MAPK14: variants seen among roughly 807,000 people sequenced by gnomAD.
MAPK14 encodes the protein mitogen-activated protein kinase 14.
In MAPK14, 16 loss-of-function variants were observed where a neutral mutation model predicts 49.6. The ratio of observed to expected loss-of-function variants is 0.32; its 90% CI spans 0.22 to 0.49. The LOEUF (loss-of-function observed/expected upper bound fraction) is 0.49. Among genes scored for constraint, MAPK14 ranks in the 20% least tolerant of loss-of-function variants. The pLI is 0.99. For missense variants in MAPK14, 200 were observed against 441.2 expected (o/e 0.45, Z 4.90); for synonymous variants, 142 against 158.0 (o/e 0.90, Z 0.76).
chr6:36,030,771 C>T (rs559854312), intron 1 of MAPK14, among the ~76,000 whole-genome samples: 50 of 151,558 alleles, frequency 3.3e-4, no homozygotes, highest in African/African-American at 1.2e-3. Flanking sequence ...AAGACAGGCA[C>T]TGTTAAGTGT....
chr6:36,098,504 T>C (rs1219449967), intron 9 of MAPK14, among the ~76,000 whole-genome samples: 1 of 152,080 alleles, frequency 6.6e-6, no homozygotes, highest in Non-Finnish European at 1.5e-5. Flanking sequence ...TGCACTGCAC[T>C]CCAGCCTGGG....
chr6:36,045,854 A>G (rs923124461), intron 1 of MAPK14, among the ~76,000 whole-genome samples: 2 of 150,862 alleles, frequency 1.3e-5, no homozygotes, highest in African/African-American at 4.9e-5. Flanking sequence ...ACCTCATGAT[A>G]TATGCTAACC....
intron 3 of MAPK14, among the ~76,000 whole-genome samples, chr6:36,064,791 A>G (rs1763978345): frequency 6.6e-6 from 1 of 152,226 alleles, no homozygotes; most frequent in Non-Finnish European, 1.5e-5. Flanking sequence ...TATAACAGTA[A>G]ATAAGAGCTG....
chr6:36,037,484 T>A (rs546334306), intron 1 of MAPK14, among the ~76,000 whole-genome samples: 1 of 152,228 alleles, frequency 6.6e-6, no homozygotes, highest in African/African-American at 2.4e-5. Flanking sequence ...TATATTTTAG[T>A]GCCATTTTCT....
At chr6:36,073,931 A>G in intron 5 of MAPK14, 118 bp from the exon 6 acceptor site, 1 of 909,852 alleles carries the variant, frequency 1.1e-6, no homozygotes, top group Non-Finnish European at 1.8e-6. Flanking sequence ...TAGGATGGAG[A>G]TTGTCTTTTG....
chr6:36,091,844 C>CT (rs1185804651), intron 8 of MAPK14: 3,859 of 124,812 alleles, frequency 0.031, 39 homozygotes, highest in Non-Finnish European at 0.041. Flanking sequence ...CTTTTCTTTT[C>CT]TTTTTTTTTT....
At chr6:36,068,028 T>TAGAA (rs377367391) in intron 3 of MAPK14, among the ~76,000 whole-genome samples, 1 of 151,462 alleles carries the variant, frequency 6.6e-6, no homozygotes, top group African/African-American at 2.4e-5. Context: ...AAAGAAAAGG[T>TAGAA]AGAAAGGTAG....
chr6:36,059,200 C>A (rs889955520), intron 2 of MAPK14, 89 bp from the exon 3 acceptor site: 18 of 835,162 alleles, frequency 2.2e-5, no homozygotes, highest in African/African-American at 3.5e-5. Context: ...TAGACCCTGA[C>A]TCTTTAAAAA....
intron 1 of MAPK14, among the ~76,000 whole-genome samples, chr6:36,045,426 G>A (rs1763134883): frequency 1.3e-5 from 2 of 152,108 alleles, no homozygotes; most frequent in Admixed American, 6.5e-5. Context: ...TGGCTTCTGT[G>A]ATTCATGTCC....
intron 6 of MAPK14, among the ~76,000 whole-genome samples, chr6:36,075,043 G>A (rs1028498309): frequency 5.9e-5 from 9 of 151,616 alleles, no homozygotes; most frequent in African/African-American, 9.7e-5. Context: ...TGGCCAACAC[G>A]GTGAAACCTC....
intron 8 of MAPK14, chr6:36,091,972 C>T (rs1175956062): frequency 3.2e-6 from 1 of 316,784 alleles, no homozygotes; most frequent in East Asian, 8.3e-5. Flanking sequence ...CAAAAATGGC[C>T]AGTGTCGTCT....
chr6:36,032,951 T>A (rs1410925036), intron 1 of MAPK14, among the ~76,000 whole-genome samples: 1 of 151,750 alleles, frequency 6.6e-6, no homozygotes, highest in African/African-American at 2.4e-5. Flanking sequence ...TAACTTTTTT[T>A]AACTATTAAT....
chr6:36,081,975 A>G (rs189741383), intron 8 of MAPK14, among the ~76,000 whole-genome samples: 58 of 150,882 alleles, frequency 3.8e-4, no homozygotes, highest in East Asian at 5.9e-4. Context: ...ATTTTTTCCT[A>G]TGTATTTTAT....
rs139731906 is a variant in MAPK14 at position 36,095,371 on chromosome 6, C to T, written c.683-616C>T. 2.6e-5 allele frequency among the ~76,000 whole-genome samples: 4 copies of T among 152,352 alleles called. No individual in the cohort carries two copies. In the East Asian group the frequency reaches 7.7e-4, roughly 29 times the overall value. On this transcript the variant is annotated intron_variant, in intron 8 of 11. Transcript: ENST00000229794. ...GAGAGCGCCCTCTGCTGGCGACTCT[C>T]CCTCATAGTGCCTGCTATAGCCAGT...
the MAPK14 span, among the ~76,000 whole-genome samples, chr6:36,120,374 ACTC>A: frequency 6.6e-6 from 1 of 151,092 alleles, no homozygotes; most frequent in East Asian, 1.9e-4. Context: ...AAGGACCTTC[ACTC>A]CTCCTCCCAC....
chr6:36,104,874 A>G (rs1241885966), intron 10 of MAPK14, among the ~76,000 whole-genome samples: 1 of 152,156 alleles, frequency 6.6e-6, no homozygotes, highest in Non-Finnish European at 1.5e-5. Context: ...ACCTCCTGAT[A>G]GGTCTTCCCA....
At chr6:36,068,574 GGTTTT>G (rs375612081) in intron 3 of MAPK14, among the ~76,000 whole-genome samples, 1 of 151,996 alleles carries the variant, frequency 6.6e-6, no homozygotes, top group African/African-American at 2.4e-5. Context: ...GGAATAAATG[GGTTTT>G]TTTGTTTTGT....
chr6:36,066,752 GTGTGTGTA>G (rs1554181795), intron 3 of MAPK14, among the ~76,000 whole-genome samples: 79 of 152,150 alleles, frequency 5.2e-4, no homozygotes, highest in East Asian at 2.3e-3. Flanking sequence ...GTGTGTGTGT[GTGTGTGTA>G]TGTGTGTATG....
intron 3 of MAPK14, among the ~76,000 whole-genome samples, chr6:36,067,553 TTTG>T (rs1234357091): frequency 6.6e-6 from 1 of 152,234 alleles, no homozygotes; most frequent in Non-Finnish European, 1.5e-5. Context: ...GACTAGCTTT[TTTG>T]TTTTCATCCT....
Sources: allele counts gnomAD v4.1 joint callset (sites outside exome capture counted in the v4.1 genomes callset), GRCh38; gene constraint gnomAD v4.1.1; transcripts MANE v1.5; gene names NCBI Gene and HGNC (gene_info 2026-07-23, HGNC 2026-07-21).